The following CPEB3 variants were observed in gnomAD, a reference collection of about 807,000 sequenced individuals.
CPEB3 encodes cytoplasmic polyadenylation element-binding protein 3.
A neutral mutation model predicts 67.2 loss-of-function variants in CPEB3; 20 were observed. That is an observed-to-expected ratio of 0.30 (90% CI 0.21 to 0.43). CPEB3 has a LOEUF of 0.43. CPEB3 is among the 20% of genes least tolerant of loss of function. The pLI is 1.00. For missense variants in CPEB3, 746 were observed against 968.6 expected (o/e 0.77, Z 3.05); for synonymous variants, 376 against 393.1 (o/e 0.96, Z 0.51).
intron 2 of CPEB3, among the ~76,000 whole-genome samples, chr10:92,219,397 T>C (rs1850590147): frequency 6.6e-6 from 1 of 152,230 alleles, no homozygotes; most frequent in African/African-American, 2.4e-5. Flanking sequence ...CTATTATTTA[T>C]GTCCCACTAA....
chr10:92,205,470 CTTTTT>C lies in CPEB3; in HGVS notation c.1006-12839_1006-12835del, dbSNP rs34029695. ...AGGAAACTAAATATTAAATTCAGTC[CTTTTT>C]TTTTTTTTTTTTTTTTTTTGAGACG... On this transcript the variant is annotated intron_variant, in intron 2 of 9. Transcript: ENST00000265997. Among the ~76,000 whole-genome samples the C allele has an allele frequency of 6.6e-5, 6 of 91,028 alleles. No individual in the cohort carries two copies. The South Asian group carries it at 1.1e-3, about 17-fold the overall frequency. 59.7% of individuals were successfully genotyped at this position (91,028 alleles called of 152,430 possible). A position where few individuals can be genotyped will look rare whatever the true frequency, so the allele number is the denominator to read the frequency against.
chr10:92,219,974 GT>G (rs1483090431), intron 2 of CPEB3, among the ~76,000 whole-genome samples: 18 of 152,124 alleles, frequency 1.2e-4, no homozygotes, highest in African/African-American at 4.3e-4. Context: ...CCTGGCCAAT[GT>G]GGCAAAACCC....
intron 6 of CPEB3, among the ~76,000 whole-genome samples, chr10:92,123,677 T>C (rs1011818043): frequency 3.3e-5 from 5 of 152,222 alleles, no homozygotes; most frequent in Admixed American, 6.5e-5. Flanking sequence ...GATGCTCTCC[T>C]ACAGACAGAT....
Position 92,052,055 on chromosome 10 carries a change from T to A in CPEB3, c.*157A>T. The A allele has an allele frequency of 3.4e-6, 2 of 590,866 alleles. No individual in the cohort carries two copies. The highest frequency in any genetic ancestry group is 6.0e-6 in the Non-Finnish European group (2 of 332,592). 36.6% of individuals were successfully genotyped at this position (590,866 alleles called of 1,614,324 possible). ...TGGACACTGAGTTCAGTAATATGAC[T>A]GTAAATAATAATAATAATAATAAAA... On this transcript the variant is annotated 3_prime_UTR_variant, in exon 10 of 10. Transcript: ENST00000265997.
At chr10:92,127,520 A>C (rs1453428781) in intron 6 of CPEB3, among the ~76,000 whole-genome samples, 1 of 152,064 alleles carries the variant, frequency 6.6e-6, no homozygotes, top group Non-Finnish European at 1.5e-5. Context: ...CTACTAAAAA[A>C]TCCTAAAAAT....
At chr10:92,282,599 T>G (rs1283937664) in intron 1 of CPEB3, among the ~76,000 whole-genome samples, 1 of 151,988 alleles carries the variant, frequency 6.6e-6, no homozygotes, top group Admixed American at 6.6e-5. Context: ...AGCAGGAGAA[T>G]TGCTTGAACA....
At chr10:92,097,644 T>C (rs1054237344) in intron 7 of CPEB3, among the ~76,000 whole-genome samples, 2 of 152,212 alleles carry the variant, frequency 1.3e-5, no homozygotes, top group African/African-American at 4.8e-5. Flanking sequence ...ACATCAGCCT[T>C]CAAGAAATCT....
intron 9 of CPEB3, among the ~76,000 whole-genome samples, chr10:92,075,423 T>A (rs1314680706): frequency 6.6e-6 from 1 of 152,168 alleles, no homozygotes; most frequent in Non-Finnish European, 1.5e-5. Flanking sequence ...AGACATGAAA[T>A]ACGGGATGAT....
intron 1 of CPEB3, among the ~76,000 whole-genome samples, chr10:92,289,607 C>T (rs1054621891): frequency 4.7e-5 from 7 of 149,338 alleles, no homozygotes; most frequent in Non-Finnish European, 1.0e-4. Context: ...TGGTCACATG[C>T]GGTGACTCAC....
rs577053870 is a variant in CPEB3, at chr10:92,048,619, G to C, written c.*3593C>G. 2.6e-5 allele frequency: 4 copies of C among 152,246 alleles called. No homozygotes were observed. Among genetic ancestry groups the C allele is most frequent in the South Asian group, 2.1e-4 (1 of 4,798 alleles). 9.4% of individuals were successfully genotyped at this position (152,246 alleles called of 1,614,324 possible). A position where few individuals can be genotyped will look rare whatever the true frequency, so the allele number is the denominator to read the frequency against. ...ACTAAACCACTGTGATAAAGGAAAAGGCTTCTCAAAATCTCACATGTTCTG... is the reference window on the plus strand; with the variant it reads ...ACTAAACCACTGTGATAAAGGAAAACGCTTCTCAAAATCTCACATGTTCTG... On this transcript the variant is annotated 3_prime_UTR_variant, in exon 10 of 10. Transcript: ENST00000265997. This position sits in a 1 kb window ranked among gnomAD's most constrained non-coding sequence, Gnocchi z 4.1.
intron 1 of CPEB3, among the ~76,000 whole-genome samples, chr10:92,261,601 C>T (rs537838427): frequency 1.3e-5 from 2 of 152,096 alleles, no homozygotes; most frequent in East Asian, 1.9e-4. Context: ...GCGCCCACCA[C>T]AATGTCTGGC....
chr10:92,190,310 A>G (rs1043172679), intron 3 of CPEB3, among the ~76,000 whole-genome samples: 12 of 151,496 alleles, frequency 7.9e-5, no homozygotes, highest in African/African-American at 2.9e-4. Flanking sequence ...GTTACCCTGT[A>G]CTTGAGTTTT....
At chr10:92,143,227 G>C (rs926727373) in intron 5 of CPEB3, 109 bp from the exon 6 acceptor site, 1 of 721,264 alleles carries the variant, frequency 1.4e-6, no homozygotes, top group African/African-American at 1.8e-5. Flanking sequence ...TTTGAGGGTT[G>C]TTTTCTATAG....
At chr10:92,235,257 C>A (rs1851471773) in intron 2 of CPEB3, among the ~76,000 whole-genome samples, 1 of 152,134 alleles carries the variant, frequency 6.6e-6, no homozygotes, top group Admixed American at 6.6e-5. Flanking sequence ...ACCAGCCTGA[C>A]TAATAGGGCG....
chr10:92,170,486 C>T (rs1287839058), intron 4 of CPEB3, among the ~76,000 whole-genome samples: 1 of 152,218 alleles, frequency 6.6e-6, no homozygotes, highest in Non-Finnish European at 1.5e-5. Context: ...CATCCACACC[C>T]ACTTACATCA....
Position 92,048,956 on chromosome 10 carries a change from A to G in CPEB3, c.*3256T>C, listed in dbSNP as rs1852192472. The G allele has an allele frequency of 6.6e-6, 1 of 152,636 alleles. No homozygotes were observed. Among genetic ancestry groups the G allele is most frequent in the African/African-American group, 2.4e-5 (1 of 41,474 alleles). The allele number at this position is 152,636 out of a possible 1,614,324, so 9.5% of individuals were successfully genotyped here. On this transcript the variant is annotated 3_prime_UTR_variant, in exon 10 of 10. Coordinates refer to ENST00000265997, the MANE Select transcript of CPEB3 (RefSeq NM_014912.5). The surrounding 1 kb of genome is among the most constrained non-coding windows in gnomAD (Gnocchi z 4.1). ...CCTCCCAGAAACAACTCTATTAATG[A>G]TTGAGAAAGCACTCCTTAAAGAAAA... is the stretch of plus-strand genomic sequence containing the variant.
intron 6 of CPEB3, among the ~76,000 whole-genome samples, chr10:92,132,930 C>T (rs376589637): frequency 3.3e-5 from 5 of 151,996 alleles, no homozygotes; most frequent in East Asian, 1.9e-4. Flanking sequence ...GGGTAAATAA[C>T]GAAATGAAGG....
chr10:92,135,037 G>T (rs1160514234), intron 6 of CPEB3, among the ~76,000 whole-genome samples: 1 of 152,120 alleles, frequency 6.6e-6, no homozygotes, highest in Non-Finnish European at 1.5e-5. Flanking sequence ...AGACTTAAAT[G>T]TTAGACCTAA....
At chr10:92,142,340 C>T (rs1368850572) in intron 6 of CPEB3, among the ~76,000 whole-genome samples, 3 of 152,160 alleles carry the variant, frequency 2.0e-5, no homozygotes, top group African/African-American at 7.2e-5. Context: ...GAATGTAACA[C>T]AAACAAAACC....
Sources: gnomAD v4.1 joint callset for allele counts (sites outside exome capture counted in the v4.1 genomes callset) on GRCh38, gnomAD v4.1.1 for gene constraint, Gnocchi (gnomAD v3.1) non-coding constraint, MANE v1.5 for transcripts, NCBI Gene and HGNC (gene_info 2026-07-23, HGNC 2026-07-21) for gene names.